The following CCN5 variants were observed in gnomAD, a reference collection of about 807,000 sequenced individuals.
CCN5 encodes CCN family member 5.
A neutral mutation model predicts 18.7 loss-of-function variants in CCN5; 17 were observed. The observed-to-expected ratio is 0.91, with a 90% CI of 0.62 to 1.36. The LOEUF (loss-of-function observed/expected upper bound fraction) is 1.36, where lower values mean the gene tolerates loss of function less well. Among genes scored for constraint, CCN5 ranks in the 40% most tolerant of loss-of-function variants. The pLI is 0.00. For missense variants in CCN5, 367 were observed against 342.9 expected (o/e 1.07, Z -0.56); for synonymous variants, 135 against 145.2 (o/e 0.93, Z 0.50).
intron 3 of CCN5, 35 bp from the exon 4 acceptor site, chr20:44,727,052 C>A (rs750922627): frequency 3.9e-5 from 58 of 1,496,460 alleles, no homozygotes; most frequent in African/African-American, 4.2e-5. Flanking sequence ...TGAGCCCTGG[C>A]TGCTCAGTGC....
chr20:44,718,201 G>A (rs974660863), intron 1 of CCN5, among the ~76,000 whole-genome samples: 2 of 152,188 alleles, frequency 1.3e-5, no homozygotes, highest in African/African-American at 4.8e-5. Flanking sequence ...CCCCACCAGA[G>A]GCTGGTCAGC....
intron 2 of CCN5, among the ~76,000 whole-genome samples, chr20:44,722,463 CTCTTT>C (rs2065906410): frequency 1.7e-5 from 1 of 57,804 alleles, no homozygotes; most frequent in Non-Finnish European, 6.3e-5. Flanking sequence ...CTATCTCTCT[CTCTTT>C]TTTTTTTTTT....
chr20:44,723,129 C>A (rs1346213140), intron 2 of CCN5, among the ~76,000 whole-genome samples: 6 of 152,098 alleles, frequency 3.9e-5, no homozygotes, highest in Non-Finnish European at 5.9e-5. Flanking sequence ...GCTCTCTGCT[C>A]CAGCCACATT....
chr20:44,726,013 C>T (rs943862954), intron 3 of CCN5, among the ~76,000 whole-genome samples: 3 of 152,184 alleles, frequency 2.0e-5, no homozygotes, highest in African/African-American at 7.2e-5. Context: ...GCAACAGCCC[C>T]GCCATCCCCT....
chr20:44,715,553 G>A (rs1351597373), intron 1 of CCN5, 103 bp downstream of exon 1: 1 of 1,303,484 alleles, frequency 7.7e-7, no homozygotes, highest in African/African-American at 1.5e-5. Flanking sequence ...AATTCCTCCA[G>A]GGCCCCACAT....
At chr20:44,727,026 G>T (rs2065940210) in intron 3 of CCN5, 61 bp from the exon 4 acceptor site, 8 of 1,465,314 alleles carry the variant, frequency 5.5e-6, no homozygotes, top group Non-Finnish European at 7.3e-6. Flanking sequence ...GCTGGCAGGT[G>T]GGTTGATTGA....
chr20:44,718,657 A>C (rs1217631533), intron 1 of CCN5, among the ~76,000 whole-genome samples: 1 of 152,130 alleles, frequency 6.6e-6, no homozygotes, highest in African/African-American at 2.4e-5. Flanking sequence ...TTACGGACAC[A>C]GTCTACCCCC....
At chr20:44,717,361 C>T (rs1256459581) in intron 1 of CCN5, among the ~76,000 whole-genome samples, 1 of 152,116 alleles carries the variant, frequency 6.6e-6, no homozygotes, top group South Asian at 2.1e-4. Context: ...AGAGTCCTGC[C>T]CCCTGACAAG....
intron 1 of CCN5, among the ~76,000 whole-genome samples, chr20:44,717,827 C>T (rs989493760): frequency 6.7e-6 from 1 of 148,816 alleles, no homozygotes; most frequent in South Asian, 2.1e-4. Context: ...TGCAGTGAGT[C>T]GAGATCGTGC....
intron 1 of CCN5, chr20:44,716,512 GT>G (rs2065860852): frequency 6.6e-6 from 1 of 152,344 alleles, no homozygotes; most frequent in Non-Finnish European, 1.5e-5. Context: ...GCCAGTGTGG[GT>G]GGCTTGGGTA....
At chr20:44,722,853 T>C (rs936454518) in intron 2 of CCN5, among the ~76,000 whole-genome samples, 5 of 152,078 alleles carry the variant, frequency 3.3e-5, no homozygotes, top group Non-Finnish European at 2.9e-5. Context: ...GACACTCCCA[T>C]CCCTTCTGGT....
At chr20:44,724,714 G>A (rs776792074) in intron 2 of CCN5, 24 bp from the exon 3 acceptor site, 1 of 1,611,676 alleles carries the variant, frequency 6.2e-7, no homozygotes, top group Non-Finnish European at 8.5e-7. Context: ...GGTCACCGAT[G>A]GGGGTGCGGT....
chr20:44,727,062 C>G, intron 3 of CCN5, 25 bp from the exon 4 acceptor site: 1 of 1,546,408 alleles, frequency 6.5e-7, no homozygotes, highest in Non-Finnish European at 8.7e-7. Context: ...CTGCTCAGTG[C>G]TAACTCTTGT....
intron 2 of CCN5, among the ~76,000 whole-genome samples, chr20:44,722,098 T>C (rs1317490461): frequency 6.6e-6 from 1 of 152,236 alleles, no homozygotes; most frequent in Non-Finnish European, 1.5e-5. Context: ...CTTCCCACCT[T>C]GGTCTGTCAA....
chr20:44,720,047 G>A lies in CCN5; in HGVS notation c.211G>A (p.Asp71Asn), dbSNP rs1183449849. 6.3e-6 allele frequency: 10 copies of A among 1,594,588 alleles called. No individual in the cohort carries two copies. Among genetic ancestry groups the A allele is most frequent in the East Asian group, 4.5e-5 (2 of 44,398 alleles). The change falls in exon 2 of 4, where the codon GAC (aspartate) becomes AAC (asparagine). Residue 71 changes from aspartate (D) to asparagine (N), a missense_variant. Asp to Asn is a conservative substitution (Grantham distance 23). Coordinates refer to ENST00000190983, the MANE Select transcript of CCN5 (RefSeq NM_003881.4). The part of the protein sequence containing the change: ...GEPCDQLHVC[D>N]ASQGLVCQPG... ...GCCCTGCGACCAACTCCACGTCTGC[G>A]ACGCCAGCCAGGGCCTGGTCTGCCA...
rs777456685 is a variant in CCN5, at chr20:44,727,314, G to A, written c.*7G>A. On this transcript the variant is annotated 3_prime_UTR_variant, in exon 4 of 4. Transcript: ENST00000190983. Reference sequence around the variant, plus strand: ...ACAAAACAGTGCCTTCTAGAGCCGGGCTGGGAATGGGGACACGGTGTCCAC... The same window carrying A: ...ACAAAACAGTGCCTTCTAGAGCCGGACTGGGAATGGGGACACGGTGTCCAC... The A allele has an allele frequency of 1.2e-6, 2 of 1,602,360 alleles. No homozygotes were observed. The highest frequency in any genetic ancestry group is 1.7e-6 in the Non-Finnish European group (2 of 1,172,864).
chr20:44,715,784 C>G (rs1454690532), intron 1 of CCN5, among the ~76,000 whole-genome samples: 1 of 152,190 alleles, frequency 6.6e-6, no homozygotes, highest in African/African-American at 2.4e-5. Context: ...TTTAATGTAT[C>G]CTCATTATGA....
intron 3 of CCN5, 48 bp downstream of exon 3, chr20:44,725,040 C>T: frequency 6.8e-7 from 1 of 1,471,110 alleles, no homozygotes; most frequent in East Asian, 2.4e-5. Flanking sequence ...CTGGGGGCGC[C>T]AAGGGCCACC....
chr20:44,724,513 G>C, intron 2 of CCN5: 3 of 599,644 alleles, frequency 5.0e-6, no homozygotes, highest in Non-Finnish European at 8.3e-6. Flanking sequence ...GCAGAGTTTG[G>C]GGGGTCAATC....
Sources: allele counts gnomAD v4.1 joint callset (sites outside exome capture counted in the v4.1 genomes callset), GRCh38; gene constraint gnomAD v4.1.1; transcripts MANE v1.5; gene names NCBI Gene and HGNC (gene_info 2026-07-23, HGNC 2026-07-21).